CFAP58: variants seen among roughly 807,000 people sequenced by gnomAD.
The protein encoded by CFAP58 is cilia and flagella associated protein 58, also known as cilia- and flagella-associated protein 58.
CFAP58 carries 88 observed loss-of-function variants against 119.5 expected under a neutral mutation model. The ratio of observed to expected loss-of-function variants is 0.74; its 90% CI spans 0.62 to 0.88. CFAP58 has a LOEUF of 0.88. Among genes scored for constraint, CFAP58 ranks in the 40% least tolerant of loss-of-function variants. The pLI is 0.00. For missense variants in CFAP58, 990 were observed against 1,021.2 expected (o/e 0.97, Z 0.42); for synonymous variants, 365 against 366.3 (o/e 1.00, Z 0.04).
chr10:104,365,337 T>C (rs1247836338), intron 4 of CFAP58, among the ~76,000 whole-genome samples: 1 of 152,178 alleles, frequency 6.6e-6, no homozygotes, highest in African/African-American at 2.4e-5. Context: ...GAGAAAAACA[T>C]GAGACTTCTT....
At chr10:104,360,178 C>A (rs1315066360) in intron 2 of CFAP58, among the ~76,000 whole-genome samples, 9 of 152,176 alleles carry the variant, frequency 5.9e-5, no homozygotes, top group African/African-American at 2.2e-4. Flanking sequence ...GTATAAAGGA[C>A]CCACATTCTA....
chr10:104,358,310 G>A (rs756288074), intron 1 of CFAP58, 31 bp from the exon 2 acceptor site: 1 of 1,592,346 alleles, frequency 6.3e-7, no homozygotes, highest in South Asian at 1.1e-5. Flanking sequence ...ATGTTGCATT[G>A]CCCTTTCCCA....
chr10:104,425,096 G>A (rs1271803274), intron 15 of CFAP58, among the ~76,000 whole-genome samples: 1 of 152,190 alleles, frequency 6.6e-6, no homozygotes, highest in Non-Finnish European at 1.5e-5. Flanking sequence ...CTCATCAGAT[G>A]AGCTAACTGA....
At position 104,358,509 on chromosome 10, in the gene CFAP58, C is replaced by T; in HGVS notation, c.178C>T (p.Leu60=). The T allele has an allele frequency of 1.2e-6, 2 of 1,614,108 alleles. No individual in the cohort carries two copies. The highest frequency in any genetic ancestry group is 1.1e-5 in the South Asian group (1 of 91,078). ...AAAGTCTTATGACAATGAAAAGCGT[C>T]TGATGGCCAAATGCAGAGAGCTAAA... ...MKKSYDNEKR[L]MAKCRELNAE... The change falls in exon 2 of 18, where the codon CTG becomes TTG. Residue 60 remains leucine, a synonymous_variant. Coordinates refer to ENST00000369704, the MANE Select transcript of CFAP58 (RefSeq NM_001008723.2).
rs2012265659 is a variant in CFAP58, at chr10:104,401,551, A to G, written c.2039+648A>G. On this transcript the variant is annotated intron_variant, in intron 13 of 17. Transcript: ENST00000369704. ...TATATAGGCAATTGCAGGAAACCAA[A>G]TAAGAGTTCTGGTATTTTCTCAGTA... Among the ~76,000 whole-genome samples, 3 of 152,218 alleles carry G rather than the reference A, an allele frequency of 2.0e-5. No homozygotes were observed. In the South Asian group the frequency reaches 6.2e-4, roughly 32 times the overall value.
In CFAP58 at chr10:104,357,816, T is replaced by C. The variant is rs186656108; in HGVS notation, c.10-525T>C. Among the ~76,000 whole-genome samples, 1,123 of 148,792 alleles carry C rather than the reference T, an allele frequency of 7.5e-3. 12 individuals are homozygous for C. Among genetic ancestry groups the C allele is most frequent in the Middle Eastern group, 0.026 (7 of 272 alleles). On this transcript the variant is annotated intron_variant, in intron 1 of 17. Transcript: ENST00000369704. ...ACATATATATACACACATATATATG[T>C]ACATATATACACATATATGTACACA...
Position 104,393,576 on chromosome 10 carries a change from C to T in CFAP58, c.1674+101C>T, listed in dbSNP as rs1432358431. ...CAGCCAGGGGCAGGGAGAACAACCA[C>T]GCCTGCCTGTGGTCACAGTTGCTAG... is the stretch of plus-strand genomic sequence containing the variant. On this transcript the variant is annotated intron_variant, in intron 11 of 17. Coordinates refer to ENST00000369704, the MANE Select transcript of CFAP58 (RefSeq NM_001008723.2). 1.5e-5 allele frequency: 17 copies of T among 1,141,994 alleles called. No homozygotes were observed. The South Asian group carries it at 1.6e-4, about 11-fold the overall frequency. 70.7% of individuals were successfully genotyped at this position (1,141,994 alleles called of 1,614,324 possible). A position where few individuals can be genotyped will look rare whatever the true frequency, so the allele number is the denominator to read the frequency against.
chr10:104,400,870 T>A lies in CFAP58; in HGVS notation c.2006T>A (p.Leu669His). Residue 669 changes from leucine to histidine, a missense_variant, in exon 13 of 18, where the codon CTT becomes CAT. Leu to His is a moderately conservative substitution (Grantham distance 99). Coordinates refer to ENST00000369704, the MANE Select transcript of CFAP58 (RefSeq NM_001008723.2). Reference sequence around the variant, plus strand: ...AAGCTTCGCCGGGAAAAGGGGATTCTTGCCAGGAGTATGGCTAATGTTGAA... The same window carrying A: ...AAGCTTCGCCGGGAAAAGGGGATTCATGCCAGGAGTATGGCTAATGTTGAA... ...IKKLRREKGI[L>H]ARSMANVEEL... is the part of the protein sequence containing the mutation. 1 of 1,614,180 alleles carries A rather than the reference T, an allele frequency of 6.2e-7. No homozygotes were observed. Among genetic ancestry groups the A allele is most frequent in the Non-Finnish European group, 8.5e-7 (1 of 1,180,022 alleles).
intron 7 of CFAP58, among the ~76,000 whole-genome samples, chr10:104,373,975 A>C (rs955280819): frequency 2.6e-5 from 4 of 152,220 alleles, no homozygotes; most frequent in Admixed American, 1.3e-4. Flanking sequence ...TAAGAAAATA[A>C]TGGCATGACA....
At position 104,364,853 on chromosome 10, in the gene CFAP58, G is replaced by A. The variant is rs2014721125; in HGVS notation, c.561G>A (p.Glu187=). ...CCACTGAACAGCAGCAGGAAACAGA[G>A]CGATCAAAAGAGGAGGCTGAACATG... The part of the protein sequence containing the change: ...AQTTEQQQET[E]RSKEEAEHAI... Residue 187 remains glutamate (E), a synonymous_variant, in exon 4 of 18, where the codon GAG becomes GAA. Coordinates refer to ENST00000369704, the MANE Select transcript of CFAP58 (RefSeq NM_001008723.2). 6.2e-7 allele frequency: 1 copy of A among 1,611,670 alleles called. No individual in the cohort carries two copies. The highest frequency in any genetic ancestry group is 8.5e-7 in the Non-Finnish European group (1 of 1,178,892).
At chr10:104,406,820 T>C in intron 15 of CFAP58, 27 bp downstream of exon 15, 1 of 1,549,952 alleles carries the variant, frequency 6.5e-7, no homozygotes, top group South Asian at 1.1e-5. Context: ...CTGTACTCAT[T>C]GTACAAGTCC....
At chr10:104,391,095 C>T (rs1342155443) in intron 9 of CFAP58, among the ~76,000 whole-genome samples, 1 of 152,164 alleles carries the variant, frequency 6.6e-6, no homozygotes, top group Admixed American at 6.5e-5. Context: ...GATGGCAATT[C>T]TGCAAGTGGA....
chr10:104,359,219 G>A (rs1194366048), intron 2 of CFAP58, among the ~76,000 whole-genome samples: 2 of 152,114 alleles, frequency 1.3e-5, no homozygotes, highest in African/African-American at 4.8e-5. Flanking sequence ...AGTGTTCCTT[G>A]TTGACTCATG....
intron 14 of CFAP58, among the ~76,000 whole-genome samples, chr10:104,405,570 TTACCAATTTA>T (rs1324103909): frequency 2.6e-5 from 4 of 152,234 alleles, no homozygotes; most frequent in Non-Finnish European, 5.9e-5. Context: ...AGAGGACACA[TTACCAATTTA>T]TAACTGTATA....
intron 14 of CFAP58, 67 bp downstream of exon 14, chr10:104,403,907 C>G: frequency 1.0e-6 from 1 of 961,214 alleles, no homozygotes; most frequent in Non-Finnish European, 1.6e-6. Flanking sequence ...AAGCTTCTAA[C>G]CTAAAGCACA....
chr10:104,348,584 C>T, the CFAP58 span, among the ~76,000 whole-genome samples: 2 of 152,320 alleles, frequency 1.3e-5, no homozygotes, highest in Middle Eastern at 3.4e-3. Flanking sequence ...CCTTCCAAGG[C>T]TCTCTGCTAT....
At chr10:104,452,525 C>T (rs1451539910) in intron 17 of CFAP58, among the ~76,000 whole-genome samples, 1 of 152,212 alleles carries the variant, frequency 6.6e-6, no homozygotes, top group Non-Finnish European at 1.5e-5. Context: ...CTTGCTCCCT[C>T]TCCTGCCCCA....
At chr10:104,428,461 G>GT (rs2012787796) in intron 15 of CFAP58, among the ~76,000 whole-genome samples, 1 of 152,198 alleles carries the variant, frequency 6.6e-6, no homozygotes, top group South Asian at 2.1e-4. Context: ...TCTTGTAAAA[G>GT]ATTCAACCAA....
At chr10:104,381,987 G>T in intron 9 of CFAP58, 4 of 627,846 alleles carry the variant, frequency 6.4e-6, no homozygotes, top group Non-Finnish European at 9.0e-6. Context: ...TCGCACGTTA[G>T]CTTCTGTATT....
Sources: gnomAD v4.1 joint callset for allele counts (sites outside exome capture counted in the v4.1 genomes callset) on GRCh38, gnomAD v4.1.1 for gene constraint, MANE v1.5 for transcripts, NCBI Gene and HGNC (gene_info 2026-07-23, HGNC 2026-07-21) for gene names.